ADAMTS6: variants seen among roughly 807,000 people sequenced by gnomAD.
ADAMTS6 encodes A disintegrin and metalloproteinase with thrombospondin motifs 6.
Under a neutral mutation model 144.3 loss-of-function variants are expected in ADAMTS6, and 23 were observed. The observed-to-expected ratio is 0.16, with a 90% CI of 0.11 to 0.23. The LOEUF (loss-of-function observed/expected upper bound fraction) is 0.23. Among genes scored for constraint, ADAMTS6 ranks in the 10% least tolerant of loss-of-function variants. The probability of loss-of-function intolerance (pLI) is 1.00; values close to 1 mark genes in which losing one functional copy is unlikely to be tolerated. For synonymous variants in ADAMTS6, 444 were observed against 457.5 expected (o/e 0.97, Z 0.38); for missense variants, 999 against 1,379.6 (o/e 0.72, Z 4.37).
chr5:65,269,039 C>T (rs1452123811), intron 12 of ADAMTS6, among the ~76,000 whole-genome samples: 1 of 152,096 alleles, frequency 6.6e-6, no homozygotes, highest in Non-Finnish European at 1.5e-5. Context: ...AGAGTTAAGA[C>T]CAGAGGTTGT....
intron 14 of ADAMTS6, among the ~76,000 whole-genome samples, chr5:65,254,182 A>T (rs1277831607): frequency 2.6e-5 from 4 of 151,960 alleles, no homozygotes; most frequent in Admixed American, 2.6e-4. Context: ...CTCACCTTTT[A>T]TGATTTATTA....
chr5:65,479,039 C>G (rs1180440867), intron 1 of ADAMTS6, among the ~76,000 whole-genome samples: 1 of 152,168 alleles, frequency 6.6e-6, no homozygotes, highest in East Asian at 1.9e-4. Flanking sequence ...ATAATTTCCT[C>G]TTGTGAACTA....
At chr5:65,199,597 T>C (rs1308494026) in intron 20 of ADAMTS6, among the ~76,000 whole-genome samples, 1 of 152,186 alleles carries the variant, frequency 6.6e-6, no homozygotes, top group Non-Finnish European at 1.5e-5. Context: ...TAGTCCAATA[T>C]TTTGTTTCAG....
At chr5:65,215,218 A>G (rs965555708) in intron 19 of ADAMTS6, 106 bp downstream of exon 19, 2 of 1,310,226 alleles carry the variant, frequency 1.5e-6, no homozygotes, top group East Asian at 2.3e-5. Context: ...ATCTTTATTT[A>G]CCTTAATTTC....
chr5:65,341,856 ACT>A (rs79522372), intron 7 of ADAMTS6, among the ~76,000 whole-genome samples: 2,153 of 152,146 alleles, frequency 0.014, 35 homozygotes, highest in East Asian at 0.083. Context: ...GGCCACCATA[ACT>A]CTGATACTAC....
intron 11 of ADAMTS6, among the ~76,000 whole-genome samples, chr5:65,275,391 GAAAGAAAGAAAGAAAGAAA>G (rs1762418019): frequency 7.5e-6 from 1 of 132,988 alleles, no homozygotes; most frequent in African/African-American, 2.9e-5. Flanking sequence ...AAGAAAGAAA[GAAAGAAAGAAAGAAAGAAA>G]GAAAGAAAAG....
intron 21 of ADAMTS6, 74 bp from the exon 22 acceptor site, chr5:65,188,294 C>A: frequency 7.2e-7 from 1 of 1,393,118 alleles, no homozygotes; most frequent in Non-Finnish European, 1.0e-6. Flanking sequence ...TAAGTGAAGG[C>A]ACTTTCACTG....
intron 8 of ADAMTS6, among the ~76,000 whole-genome samples, chr5:65,333,406 C>T (rs1746968406): frequency 7.2e-6 from 1 of 138,094 alleles, no homozygotes; most frequent in Admixed American, 6.8e-5. Flanking sequence ...AGACAAATGA[C>T]CCTTAGGGAG....
At chr5:65,392,822 G>A (rs1352492267) in intron 7 of ADAMTS6, among the ~76,000 whole-genome samples, 1 of 152,148 alleles carries the variant, frequency 6.6e-6, no homozygotes, top group Non-Finnish European at 1.5e-5. Flanking sequence ...GAGTTTAAAT[G>A]TTTTAATTAT....
At chr5:65,179,870 TA>T (rs1277001006) in intron 22 of ADAMTS6, among the ~76,000 whole-genome samples, 3 of 152,192 alleles carry the variant, frequency 2.0e-5, no homozygotes, top group Admixed American at 2.0e-4. Flanking sequence ...TTTTCATCTC[TA>T]TTAGATTATA....
At chr5:65,394,914 C>G (rs1753212294) in intron 7 of ADAMTS6, among the ~76,000 whole-genome samples, 1 of 151,978 alleles carries the variant, frequency 6.6e-6, no homozygotes, top group Non-Finnish European at 1.5e-5. Context: ...CTTTCACGTA[C>G]CTGATTTCAT....
intron 14 of ADAMTS6, among the ~76,000 whole-genome samples, chr5:65,245,822 A>C (rs1312413844): frequency 6.6e-6 from 1 of 152,162 alleles, no homozygotes; most frequent in Admixed American, 6.5e-5. Flanking sequence ...TATGTAAATA[A>C]ATGGCCATGG....
chr5:65,216,229 T>C (rs764316713), intron 18 of ADAMTS6, among the ~76,000 whole-genome samples: 2 of 152,176 alleles, frequency 1.3e-5, no homozygotes, highest in Non-Finnish European at 2.9e-5. Context: ...TGTGGTATTA[T>C]AATGTAACAG....
At chr5:65,206,857 CACACACACACAAAT>C (rs1208376119) in intron 20 of ADAMTS6, among the ~76,000 whole-genome samples, 2 of 151,254 alleles carry the variant, frequency 1.3e-5, no homozygotes, top group African/African-American at 4.9e-5. Flanking sequence ...CACACACACA[CACACACACACAAAT>C]ACACACACAC....
intron 14 of ADAMTS6, among the ~76,000 whole-genome samples, chr5:65,255,564 G>GT: frequency 6.6e-6 from 1 of 152,202 alleles, no homozygotes; most frequent in East Asian, 1.9e-4. Flanking sequence ...GACAACTTTC[G>GT]TAATACTTCA....
At position 65,262,746 on chromosome 5, in the gene ADAMTS6, T is replaced by C. The variant is rs189125455; in HGVS notation, c.1766+71A>G. 36 of 1,429,372 alleles carry C rather than the reference T, an allele frequency of 2.5e-5. No individual in the cohort carries two copies. The Admixed American group carries it at 2.8e-4, about 11-fold the overall frequency. 88.5% of individuals were successfully genotyped at this position (1,429,372 alleles called of 1,614,324 possible). A position where few individuals can be genotyped will look rare whatever the true frequency, so the allele number is the denominator to read the frequency against. ...TAGCGAAACGTTTTTACAGATAACA[T>C]GTGAAACCACAGCTTTGAATCATTT... is the stretch of plus-strand genomic sequence containing the variant. On this transcript the variant is annotated intron_variant, in intron 13 of 24. Coordinates refer to ENST00000381055, the MANE Select transcript of ADAMTS6 (RefSeq NM_197941.4).
At chr5:65,237,236 A>ATAAAAAT (rs1423834278) in intron 15 of ADAMTS6, among the ~76,000 whole-genome samples, 2 of 151,952 alleles carry the variant, frequency 1.3e-5, no homozygotes, top group African/African-American at 2.4e-5. Flanking sequence ...TCTAATAAAA[A>ATAAAAAT]TAAAAATTAA....
intron 3 of ADAMTS6, among the ~76,000 whole-genome samples, chr5:65,469,038 G>A (rs2150280775): frequency 6.6e-6 from 1 of 152,196 alleles, no homozygotes; most frequent in Non-Finnish European, 1.5e-5. Flanking sequence ...TCATCCAAAA[G>A]AGATATCTCA....
At chr5:65,362,171 T>C (rs1749889616) in intron 7 of ADAMTS6, among the ~76,000 whole-genome samples, 1 of 152,218 alleles carries the variant, frequency 6.6e-6, no homozygotes. Context: ...TTCATAGTGA[T>C]CCACAGATTA....
Sources: gnomAD v4.1 joint callset for allele counts (sites outside exome capture counted in the v4.1 genomes callset) on GRCh38, gnomAD v4.1.1 for gene constraint, MANE v1.5 for transcripts, NCBI Gene and HGNC (gene_info 2026-07-23, HGNC 2026-07-21) for gene names.